RMP24: variants seen among roughly 807,000 people sequenced by gnomAD.
RMP24 encodes ribonuclease MRP subunit p24, also known as ribonuclease MRP protein subunit p24.
the RMP24 span, chr18:35,977,746 C>G: frequency 5.5e-6 from 4 of 733,774 alleles, no homozygotes; most frequent in East Asian, 1.1e-4. Context: ...TCACATACTC[C>G]CATATCTTCA....
the RMP24 span, chr18:35,977,616 A>G: frequency 6.2e-7 from 1 of 1,600,076 alleles, no homozygotes. Flanking sequence ...TTAATCCATG[A>G]AGTTTTTGAA....
the RMP24 span, chr18:35,975,200 G>C: frequency 3.4e-6 from 3 of 894,208 alleles, no homozygotes; most frequent in South Asian, 5.4e-5. Context: ...ATTTATAGTA[G>C]TATATTTGGA....
chr18:35,972,966 C>T, the RMP24 span: 28 of 1,603,706 alleles, frequency 1.7e-5, no homozygotes, highest in Non-Finnish European at 2.2e-5. Context: ...TTCCTCTGTT[C>T]CGCACAACGC....
the RMP24 span, among the ~76,000 whole-genome samples, chr18:35,978,343 G>A: frequency 5.3e-5 from 8 of 152,290 alleles, no homozygotes; most frequent in South Asian, 8.3e-4. Flanking sequence ...ATTCACGGCC[G>A]GGCATGGTGG....
the RMP24 span, chr18:35,977,430 C>T: frequency 6.2e-7 from 1 of 1,612,816 alleles, no homozygotes; most frequent in Non-Finnish European, 8.5e-7. Context: ...GTAAAACATG[C>T]AACAGAACAG....
At chr18:35,974,907 A>C in the RMP24 span, 1 of 1,612,772 alleles carries the variant, frequency 6.2e-7, no homozygotes, top group Non-Finnish European at 8.5e-7. Flanking sequence ...TGATAAGAGC[A>C]CTTTTGAAGA....
chr18:35,975,587 A>G, the RMP24 span, among the ~76,000 whole-genome samples: 1 of 152,246 alleles, frequency 6.6e-6, no homozygotes, highest in Non-Finnish European at 1.5e-5. Flanking sequence ...AGGGTCTATC[A>G]TATGCCAAGC....
the RMP24 span, chr18:35,977,263 G>T: frequency 3.1e-6 from 2 of 635,180 alleles, no homozygotes; most frequent in East Asian, 2.9e-5. Flanking sequence ...CTACTAGATT[G>T]CAAGTTCCCC....
the RMP24 span, chr18:35,979,059 C>T: frequency 6.7e-7 from 1 of 1,484,298 alleles, no homozygotes; most frequent in Non-Finnish European, 9.0e-7. Context: ...ACTTTTTAAA[C>T]TCTTATTCAT....
chr18:35,974,777 T>A, the RMP24 span: 1 of 908,266 alleles, frequency 1.1e-6, no homozygotes, highest in Non-Finnish European at 1.6e-6. Context: ...ATATTTTGAG[T>A]TTACTTAATG....
At chr18:35,972,781 G>T in the RMP24 span, 3 of 1,613,974 alleles carry the variant, frequency 1.9e-6, no homozygotes, top group Non-Finnish European at 1.7e-6. Flanking sequence ...CACGACAGCT[G>T]CCCGGGCCAA....
chr18:35,972,785 G>T, the RMP24 span: 4 of 1,614,076 alleles, frequency 2.5e-6, no homozygotes, highest in Non-Finnish European at 3.4e-6. Flanking sequence ...ACAGCTGCCC[G>T]GGCCAAGCCC....
the RMP24 span, chr18:35,977,545 A>C: frequency 6.2e-7 from 1 of 1,614,200 alleles, no homozygotes; most frequent in Non-Finnish European, 8.5e-7. Flanking sequence ...AAGGACTGCA[A>C]ACCCAAATCA....
At chr18:35,977,319 C>T in the RMP24 span, 1 of 1,221,002 alleles carries the variant, frequency 8.2e-7, no homozygotes, top group African/African-American at 1.5e-5. Flanking sequence ...CTGGTGTAGT[C>T]CCTGACATTT....
At chr18:35,972,862 A>G in the RMP24 span, 4 of 1,614,184 alleles carry the variant, frequency 2.5e-6, no homozygotes, top group Non-Finnish European at 3.4e-6. Context: ...TTTGCTCCTC[A>G]CAAGTCTCTT....
the RMP24 span, chr18:35,974,820 T>C: frequency 2.9e-5 from 38 of 1,305,470 alleles, no homozygotes; most frequent in Non-Finnish European, 4.1e-5. Context: ...CAATATACTT[T>C]TTATAAATGT....
At chr18:35,974,817 C>T in the RMP24 span, 3 of 1,289,464 alleles carry the variant, frequency 2.3e-6, no homozygotes, top group African/African-American at 4.5e-5. Context: ...TTTCAATATA[C>T]TTTTTATAAA....
At chr18:35,977,666 A>G in the RMP24 span, 1 of 1,499,652 alleles carries the variant, frequency 6.7e-7, no homozygotes. Context: ...TCCTGTGTTT[A>G]ATATATACTC....
At chr18:35,977,504 C>T in the RMP24 span, 3 of 1,614,014 alleles carry the variant, frequency 1.9e-6, no homozygotes, top group African/African-American at 2.7e-5. Context: ...GCCACTCCTA[C>T]AAGTAAACTC....
Sources: gnomAD v4.1 joint callset for allele counts (sites outside exome capture counted in the v4.1 genomes callset) on GRCh38, gnomAD v4.1.1 for gene constraint, MANE v1.5 for transcripts, NCBI Gene and HGNC (gene_info 2026-07-23, HGNC 2026-07-21) for gene names.